Variants in NBEA observed in about 807,000 individuals in gnomAD.
NBEA encodes lysosomal-trafficking regulator 2.
NBEA carries 44 observed loss-of-function variants against 343.4 expected under a neutral mutation model. The observed-to-expected ratio is 0.13, with a 90% confidence interval of 0.10 to 0.16. The LOEUF is 0.16. NBEA is among the 10% of genes least tolerant of loss of function. The pLI, the probability that NBEA is intolerant of heterozygous loss-of-function variation, is 1.00. For missense variants in NBEA, 2,555 were observed against 3,631.3 expected (o/e 0.70, Z 7.62); for synonymous variants, 1,175 against 1,238.7 (o/e 0.95, Z 1.08).
intron 17 of NBEA, among the ~76,000 whole-genome samples, chr13:35,139,884 C>T (rs1280218849): frequency 6.6e-6 from 1 of 150,642 alleles, no homozygotes; most frequent in Non-Finnish European, 1.5e-5. Context: ...CTTCAAGTTT[C>T]CCCCGAACCT....
intron 10 of NBEA, among the ~76,000 whole-genome samples, chr13:35,088,670 A>G (rs572421442): frequency 1.3e-4 from 20 of 152,120 alleles, no homozygotes; most frequent in African/African-American, 4.6e-4. Flanking sequence ...TTTTTAAAAA[A>G]AATCTAACCA....
At chr13:35,543,120 A>T (rs1473885879) in intron 41 of NBEA, among the ~76,000 whole-genome samples, 1 of 152,138 alleles carries the variant, frequency 6.6e-6, no homozygotes, top group African/African-American at 2.4e-5. Flanking sequence ...ATTAGCATAC[A>T]GTCATACAAC....
At chr13:35,325,268 C>A (rs2038461077) in intron 36 of NBEA, among the ~76,000 whole-genome samples, 1 of 151,814 alleles carries the variant, frequency 6.6e-6, no homozygotes, top group Non-Finnish European at 1.5e-5. Context: ...TACTAAAGAA[C>A]TGGGTTGATG....
chr13:35,448,604 A>G (rs1432733708), intron 39 of NBEA, among the ~76,000 whole-genome samples: 1 of 152,198 alleles, frequency 6.6e-6, no homozygotes, highest in Non-Finnish European at 1.5e-5. Context: ...CAAGACAAAA[A>G]CATGTTTCCA....
chr13:35,378,939 A>T (rs1242038890), intron 38 of NBEA, among the ~76,000 whole-genome samples: 1 of 152,122 alleles, frequency 6.6e-6, no homozygotes, highest in African/African-American at 2.4e-5. Flanking sequence ...CCAATATTAC[A>T]TTTGTGACAT....
At chr13:35,132,467 T>C (rs1389490688) in intron 17 of NBEA, among the ~76,000 whole-genome samples, 2 of 152,104 alleles carry the variant, frequency 1.3e-5, no homozygotes, top group East Asian at 3.9e-4. Context: ...GCCAGTACTA[T>C]TATTAATAGT....
intron 29 of NBEA, among the ~76,000 whole-genome samples, chr13:35,183,339 T>A (rs1398877729): frequency 6.6e-6 from 1 of 152,080 alleles, no homozygotes; most frequent in African/African-American, 2.4e-5. Context: ...TAATTTGTAG[T>A]TGAAATTTTC....
intron 27 of NBEA, 45 bp downstream of exon 27, chr13:35,173,639 A>G: frequency 1.9e-6 from 3 of 1,569,500 alleles, no homozygotes; most frequent in Non-Finnish European, 2.6e-6. Context: ...TACCTGAAAA[A>G]AATCTTTTTT....
chr13:35,356,882 A>G (rs1371379630), intron 38 of NBEA, among the ~76,000 whole-genome samples: 2 of 152,104 alleles, frequency 1.3e-5, no homozygotes, highest in Non-Finnish European at 2.9e-5. Context: ...GTGTTTCCTC[A>G]TTAGAGTGGA....
intron 1 of NBEA, among the ~76,000 whole-genome samples, chr13:35,016,821 C>T (rs1016920253): frequency 7.9e-5 from 12 of 151,988 alleles, no homozygotes; most frequent in African/African-American, 1.9e-4. Flanking sequence ...CTGCTAAGAG[C>T]CAGTTAAGAG....
chr13:35,583,213 A>G (rs905275437), intron 45 of NBEA, among the ~76,000 whole-genome samples: 1 of 152,184 alleles, frequency 6.6e-6, no homozygotes, highest in Non-Finnish European at 1.5e-5. Flanking sequence ...GCAATTAAGC[A>G]CATGCTTTTT....
rs924307212 is a variant in NBEA, at chr13:35,098,340, G to T, written c.1615G>T (p.Val539Leu). 1.9e-6 allele frequency: 3 copies of T among 1,593,348 alleles called. No individual in the cohort carries two copies. The African/African-American group carries it at 4.0e-5, about 21-fold the overall frequency. Residue 539 changes from valine (V) to leucine (L), a missense_variant, in exon 11 of 59, where the codon GTA (valine) becomes TTA (leucine). Transcript: ENST00000379939. ...CCTGGTTGAACTACTTAAAAGTTCA[G>T]TAGCCATGCAAGAACAGATGCTGGG... Reference protein sequence around the residue: ...AFLVELLKSSVAMQEQMLGGK... With the variant: ...AFLVELLKSSLAMQEQMLGGK...
At chr13:35,177,513 G>T (rs916875295) in intron 28 of NBEA, among the ~76,000 whole-genome samples, 3 of 151,632 alleles carry the variant, frequency 2.0e-5, no homozygotes, top group Admixed American at 6.6e-5. Flanking sequence ...TTTGGAGGAG[G>T]GGCAATTAAA....
chr13:35,487,688 T>C (rs189466507), intron 41 of NBEA, among the ~76,000 whole-genome samples: 1 of 152,084 alleles, frequency 6.6e-6, no homozygotes, highest in East Asian at 1.9e-4. Context: ...TGAACCAAAA[T>C]ATTTCCCCTT....
At chr13:35,146,407 C>T (rs1390917853) in intron 18 of NBEA, among the ~76,000 whole-genome samples, 2 of 152,136 alleles carry the variant, frequency 1.3e-5, no homozygotes, top group African/African-American at 4.8e-5. Flanking sequence ...TATTTCCTGC[C>T]ATGTCGAGTT....
intron 35 of NBEA, among the ~76,000 whole-genome samples, chr13:35,291,628 T>C (rs565767382): frequency 3.0e-4 from 45 of 151,932 alleles, no homozygotes; most frequent in Non-Finnish European, 6.0e-4. Context: ...CACAGTTCTG[T>C]AAAATGCGTT....
chr13:35,112,336 A>C (rs761587838), intron 13 of NBEA, among the ~76,000 whole-genome samples: 3 of 152,038 alleles, frequency 2.0e-5, no homozygotes, highest in Non-Finnish European at 4.4e-5. Context: ...TTTTCTGCCA[A>C]GCACTCTACA....
intron 38 of NBEA, among the ~76,000 whole-genome samples, chr13:35,431,940 G>A (rs1433066497): frequency 6.6e-6 from 1 of 151,926 alleles, no homozygotes; most frequent in Non-Finnish European, 1.5e-5. Context: ...CCATTACTAC[G>A]GTGTAATTTG....
intron 39 of NBEA, among the ~76,000 whole-genome samples, chr13:35,436,688 C>T (rs1331110706): frequency 7.2e-6 from 1 of 139,054 alleles, no homozygotes; most frequent in Non-Finnish European, 1.5e-5. Context: ...CCAGCCTGGG[C>T]GACAGGGAGA....
Sources: gnomAD v4.1 joint callset for allele counts (sites outside exome capture counted in the v4.1 genomes callset) on GRCh38, gnomAD v4.1.1 for gene constraint, MANE v1.5 for transcripts, NCBI Gene and HGNC (gene_info 2026-07-23, HGNC 2026-07-21) for gene names.